Variants in COL6A5 observed in about 807,000 individuals in gnomAD.
The protein encoded by COL6A5 is collagen alpha-5(VI) chain.
A neutral mutation model predicts 65.6 loss-of-function variants in COL6A5; 48 were observed. That is an observed-to-expected ratio of 0.73 (90% CI 0.58 to 0.93). The LOEUF (loss-of-function observed/expected upper bound fraction) is 0.93. Among genes scored for constraint, COL6A5 ranks in the 40% least tolerant of loss-of-function variants. The pLI is 0.00. For missense variants in COL6A5, 914 were observed against 928.3 expected, an observed-to-expected ratio of 0.98 and a Z score of 0.20; for synonymous variants, 291 against 322.8, an observed-to-expected ratio of 0.90 and a Z score of 1.05.
At chr3:130,421,266 A>G in intron 26 of COL6A5, 59 bp from the exon 27 acceptor site, 1 of 1,546,700 alleles carries the variant, frequency 6.5e-7, no homozygotes. Context: ...ACAAGAAGAA[A>G]TGTTCATACT....
At chr3:130,389,204 T>C (rs886648714) in intron 6 of COL6A5, 70 bp downstream of exon 6, 3 of 1,084,268 alleles carry the variant, frequency 2.8e-6, no homozygotes, top group East Asian at 5.6e-5. Context: ...AAACAGTGAA[T>C]GGCACTCTGG....
exon 21 of COL6A5, chr3:130,413,572 G>C: frequency 1.3e-6 from 2 of 1,549,186 alleles, no homozygotes; most frequent in East Asian, 2.4e-5. Flanking sequence ...GGGACTCCGA[G>C]GTGTCTCAGT....
rs577529495 is a variant in COL6A5 at position 130,383,683 on chromosome 3, A to G, written c.1301-1121A>G. Reference sequence around the variant, plus strand: ...TGTCAGTAGCTATAAATTACCTAAGAGCTGTCAAGAAAACCAGATAATGAC... The same window carrying G: ...TGTCAGTAGCTATAAATTACCTAAGGGCTGTCAAGAAAACCAGATAATGAC... On this transcript the variant is annotated intron_variant and NMD_transcript_variant, in intron 4 of 41. Coordinates refer to the COL6A5 transcript ENST00000312481. Among the ~76,000 whole-genome samples the G allele has an allele frequency of 1.1e-3, 168 of 152,230 alleles. 1 individual carries two copies. Among genetic ancestry groups the G allele is most frequent in the African/African-American group, 3.8e-3 (157 of 41,556 alleles).
At chr3:130,347,402 G>C (rs762310767) in intron 1 of COL6A5, among the ~76,000 whole-genome samples, 5 of 151,170 alleles carry the variant, frequency 3.3e-5, no homozygotes, top group Non-Finnish European at 4.4e-5. Flanking sequence ...CATCTAAAAG[G>C]CTTTTTCACA....
At chr3:130,372,242 G>A (rs2107633618) in intron 1 of COL6A5, among the ~76,000 whole-genome samples, 1 of 152,152 alleles carries the variant, frequency 6.6e-6, no homozygotes, top group East Asian at 1.9e-4. Context: ...GGCCACTTTG[G>A]AAAACAATTT....
At chr3:130,408,390 G>T (rs996370571) in intron 17 of COL6A5, among the ~76,000 whole-genome samples, 1 of 152,110 alleles carries the variant, frequency 6.6e-6, no homozygotes, top group Non-Finnish European at 1.5e-5. Flanking sequence ...CCCCAGGCTT[G>T]CTAGGATTAG....
At chr3:130,472,832 C>CATATATATATATATATATAT (rs10654631) in intron 7 of COL6A5, among the ~76,000 whole-genome samples, 1,598 of 98,928 alleles carry the variant, frequency 0.016, 24 homozygotes, top group East Asian at 0.027. Context: ...TGTGTGTATA[C>CATATATATATATATATATAT]ATATATATAT....
exon 25 of COL6A5, chr3:130,418,925 A>G: frequency 6.4e-7 from 1 of 1,550,716 alleles, no homozygotes; most frequent in Non-Finnish European, 8.7e-7. Flanking sequence ...GGCAGCGAGG[A>G]AGACAGGTAT....
At chr3:130,449,461 CT>C (rs767384373) in intron 4 of COL6A5, among the ~76,000 whole-genome samples, 51 of 152,134 alleles carry the variant, frequency 3.4e-4, no homozygotes, top group Admixed American at 3.9e-4. Context: ...GAATTGTGCC[CT>C]TTTGACCATC....
intron 7 of COL6A5, among the ~76,000 whole-genome samples, chr3:130,480,734 G>A (rs1271504711): frequency 6.6e-6 from 1 of 152,074 alleles, no homozygotes; most frequent in Non-Finnish European, 1.5e-5. Context: ...TTTGAGGTGT[G>A]GCTGTAAGCA....
At chr3:130,450,200 G>T (rs1448703339) in intron 4 of COL6A5, among the ~76,000 whole-genome samples, 1 of 152,088 alleles carries the variant, frequency 6.6e-6, no homozygotes, top group Non-Finnish European at 1.5e-5. Context: ...AGTTTGAAGT[G>T]TCCCATTTGA....
chr3:130,481,257 T>C (rs79596274), intron 7 of COL6A5, among the ~76,000 whole-genome samples: 8,225 of 150,310 alleles, frequency 0.055, 332 homozygotes, highest in Middle Eastern at 0.11. Context: ...CCATGTATTC[T>C]CATTGTTCAG....
intron 4 of COL6A5, among the ~76,000 whole-genome samples, chr3:130,454,989 A>T (rs1709534367): frequency 6.6e-6 from 1 of 152,060 alleles, no homozygotes; most frequent in African/African-American, 2.4e-5. Flanking sequence ...AAAAATTAAA[A>T]ATTAGCCCAG....
intron 3 of COL6A5, 140 bp downstream of exon 35, chr3:130,440,965 C>G (rs1709168489): frequency 6.9e-6 from 5 of 726,406 alleles, no homozygotes; most frequent in Non-Finnish European, 8.9e-6. Flanking sequence ...AGGAATGGAT[C>G]ATTTGCTGGT....
chr3:130,398,943 C>G (rs935368584), intron 10 of COL6A5, among the ~76,000 whole-genome samples: 1 of 152,178 alleles, frequency 6.6e-6, no homozygotes, highest in Admixed American at 6.5e-5. Flanking sequence ...TTCTAGGGAA[C>G]CTGACCGAAG....
At chr3:130,414,518 C>T (rs1009227392) in intron 22 of COL6A5, among the ~76,000 whole-genome samples, 6 of 152,166 alleles carry the variant, frequency 3.9e-5, no homozygotes, top group African/African-American at 1.2e-4. Flanking sequence ...TGCTACTCGA[C>T]TTGCTTAAAG....
chr3:130,417,814 T>A (rs1350111252), intron 24 of COL6A5, among the ~76,000 whole-genome samples: 1 of 152,124 alleles, frequency 6.6e-6, no homozygotes, highest in Non-Finnish European at 1.5e-5. Context: ...GTCATGGTCC[T>A]GAATCTCATT....
chr3:130,391,643 C>G, exon 7 of COL6A5: 1 of 1,551,618 alleles, frequency 6.4e-7, no homozygotes, highest in Non-Finnish European at 8.7e-7. Flanking sequence ...CCAAAAGGAA[C>G]TTGAGGGTAT....
chr3:130,388,472 G>A, intron 5 of COL6A5, 108 bp from the exon 6 acceptor site: 1 of 932,554 alleles, frequency 1.1e-6, no homozygotes, highest in Non-Finnish European at 1.6e-6. Flanking sequence ...AGTTGCCTGA[G>A]TTAATTTTCA....
Sources: gnomAD v4.1 joint callset for allele counts (sites outside exome capture counted in the v4.1 genomes callset) on GRCh38, gnomAD v4.1.1 for gene constraint, MANE v1.5 for transcripts, NCBI Gene and HGNC (gene_info 2026-07-23, HGNC 2026-07-21) for gene names.